Variants in HDAC6 observed in about 807,000 individuals in gnomAD.
The protein encoded by HDAC6 is histone deacetylase 6, also known as protein deacetylase HDAC6.
Under a neutral mutation model 88.9 loss-of-function variants are expected in HDAC6, and 5 were observed. The observed-to-expected ratio is 0.06, with a 90% CI of 0.03 to 0.12. The LOEUF is 0.12. Ranked by LOEUF, HDAC6 falls within the 10% of genes least tolerant of loss-of-function variation. The pLI is 1.00. For missense variants in HDAC6, 706 were observed against 1,014.4 expected (o/e 0.70, Z 4.13); for synonymous variants, 378 against 398.0 (o/e 0.95, Z 0.60).
At chrX:48,822,884 A>G (rs782554974) in intron 24 of HDAC6, 28 bp from the exon 25 acceptor site, 1 of 1,164,690 alleles carries the variant, frequency 8.6e-7, no homozygotes, top group Non-Finnish European at 1.2e-6. Flanking sequence ...CAGTACCCAC[A>G]CTCAAGGATC....
intron 19 of HDAC6, 51 bp downstream of exon 19, chrX:48,816,684 G>T: frequency 9.6e-7 from 1 of 1,045,546 alleles, no homozygotes; most frequent in South Asian, 2.1e-5. Context: ...AATGGAAAAA[G>T]AGAGCCATCT....
rs781964788 is a variant in HDAC6 at position 48,805,647 on chromosome X, A to G, written c.413A>G (p.Lys138Arg). 1 of 1,178,061 alleles carries G rather than the reference A, an allele frequency of 8.5e-7. No homozygotes were observed. The highest frequency in any genetic ancestry group is 1.1e-6 in the Non-Finnish European group (1 of 877,469). Residue 138 changes from lysine (K) to arginine (R), a missense_variant, in exon 6 of 29, where the codon AAG becomes AGG. Around this residue, in one of 9 missense-constraint regions of HDAC6, gnomAD observed 193 missense variants for 258.2 expected, o/e 0.75. Transcript: ENST00000334136. ...CVSFQARFAEKEELMLVHSLE... is the reference protein window; with the variant it reads ...CVSFQARFAEREELMLVHSLE... ...TCTCCCCAGGCCCGGTTTGCTGAAA[A>G]GGAAGAGCTGATGTTGGTTCACAGG... is the stretch of plus-strand genomic sequence containing the variant.
At position 48,822,937 on chromosome X, in the gene HDAC6, C is replaced by G. The variant is rs372636491; in HGVS notation, c.2538C>G (p.Ser846=). The change falls in exon 25 of 29, where the codon TCC becomes TCG. Residue 846 remains serine (S), a synonymous_variant. Transcript: ENST00000334136. ...AGGTAGAAGACAGAGAAGGACCCTC[C>G]AGTTCTAAGTTGGTCACCAAGAAGG... The part of the protein sequence containing the change: ...VMKVEDREGP[S]SSKLVTKKAP... The G allele has an allele frequency of 1.2e-4, 148 of 1,192,722 alleles. No individual in the cohort carries two copies. Among genetic ancestry groups the G allele is most frequent in the Non-Finnish European group, 8.7e-5 (77 of 885,981 alleles).
upstream of HDAC6, chrX:48,801,635 C>T (rs183986089): frequency 0.013 from 3,334 of 248,995 alleles, 100 homozygotes; most frequent in African/African-American, 0.093. Context: ...GTAGGCGCAG[C>T]ACAGCTGGCG....
chrX:48,802,163 G>C (rs2062736004), intron 1 of HDAC6, 21 bp downstream of exon 1: 1 of 879,837 alleles, frequency 1.1e-6, no homozygotes, highest in African/African-American at 2.1e-5. Flanking sequence ...GGCCCGATAA[G>C]GGGTGGAGTT....
chrX:48,808,719 T>C (rs2062856054), intron 10 of HDAC6, among the ~76,000 whole-genome samples: 1 of 112,413 alleles, frequency 8.9e-6, no homozygotes, highest in South Asian at 3.6e-4. Flanking sequence ...TTTCAGTAGA[T>C]AGTAAAAAAC....
intron 10 of HDAC6, among the ~76,000 whole-genome samples, 170 bp downstream of exon 10, chrX:48,808,496 T>G (rs782348468): frequency 1.8e-5 from 2 of 111,746 alleles, no homozygotes; most frequent in East Asian, 2.8e-4. Context: ...AATTTCACTC[T>G]GAGGCAGGGA....
chrX:48,818,538 G>A, intron 22 of HDAC6, 126 bp downstream of exon 22: 3 of 531,783 alleles, frequency 5.6e-6, no homozygotes, highest in East Asian at 7.5e-5. Flanking sequence ...GCGCATGGGT[G>A]TTTAATGAGG....
Position 48,823,250 on chromosome X carries a change from A to G in HDAC6, c.2851A>G (p.Thr951Ala). 1 of 1,201,757 alleles carries G rather than the reference A, an allele frequency of 8.3e-7. No individual in the cohort carries two copies. The highest frequency in any genetic ancestry group is 1.1e-6 in the Non-Finnish European group (1 of 890,521). Residue 951 changes from threonine (T) to alanine (A), a missense_variant, in exon 25 of 29, where the codon ACC (threonine) becomes GCC (alanine). Transcript: ENST00000334136. ...TGTCGGGGGAGCCACTCCGGACCAGACCACCTCAGAGGAGACTGTGGGAGG... is the reference window on the plus strand; with the variant it reads ...TGTCGGGGGAGCCACTCCGGACCAGGCCACCTCAGAGGAGACTGTGGGAGG... ...EAVGGATPDQ[T>A]TSEETVGGAI...
rs2063142756 is a variant in HDAC6 at position 48,824,962 on chromosome X, C to T, written c.*350C>T. The T allele has an allele frequency of 2.0e-6, 2 of 1,016,091 alleles. No individual in the cohort carries two copies. Among genetic ancestry groups the T allele is most frequent in the Admixed American group, 2.9e-5 (1 of 34,348 alleles). The allele number at this position is 1,016,091 out of a possible 1,213,427, so 83.7% of individuals were successfully genotyped here. ...GCAAGGTTGCATATGTAATAAAGTA[C>T]AAGCTGTTAAAAAACCTGGAGAAAG... On this transcript the variant is annotated 3_prime_UTR_variant, in exon 29 of 29. Coordinates refer to ENST00000334136, the MANE Select transcript of HDAC6 (RefSeq NM_006044.4).
rs998004276 is a variant in HDAC6 at position 48,823,491 on chromosome X, C to G, written c.3092C>G (p.Thr1031Ser). Residue 1031 changes from threonine to serine, a missense_variant, in exon 25 of 29, where the codon ACC (threonine) becomes AGC (serine). Thr to Ser is a moderately conservative substitution (Grantham distance 58). This residue lies in a region of HDAC6 where 112 missense variants were observed against 95.1 expected (regional missense o/e 1.18). Transcript: ENST00000334136. ...CTAGCCTCGAGCACAGACCACCAGA[C>G]CCCCCCAACCTCACCTGTGCAGGGA... ...TPLASSTDHQ[T>S]PPTSPVQGTT... 8.3e-7 allele frequency: 1 copy of G among 1,207,194 alleles called. No individual in the cohort carries two copies. The highest frequency in any genetic ancestry group is 2.2e-5 in the Admixed American group (1 of 45,654).
Position 48,815,484 on chromosome X carries a change from G to A in HDAC6, c.1250G>A (p.Cys417Tyr), listed in dbSNP as rs1557027257. 8.3e-7 allele frequency: 1 copy of A among 1,202,793 alleles called. No homozygotes were observed. The highest frequency in any genetic ancestry group is 1.8e-5 in the African/African-American group (1 of 56,960). ...CPMLESPGAP[C>Y]RSAQASVSCA... ...ATGCTGGAGTCACCTGGTGCCCCCT[G>A]CCGGAGGTGAGCCCCGGTGGAGGAG... is the stretch of plus-strand genomic sequence containing the variant. Residue 417 changes from cysteine (C) to tyrosine (Y), a missense_variant, in exon 15 of 29, where the codon TGC becomes TAC. Cys to Tyr is a radical substitution (Grantham distance 194). Coordinates refer to ENST00000334136, the MANE Select transcript of HDAC6 (RefSeq NM_006044.4).
At position 48,822,573 on chromosome X, in the gene HDAC6, C is replaced by T. The variant is rs373588692; in HGVS notation, c.2338-47C>T. ...CAGGACATGTTGTCCTCCAAATTCC[C>T]CAATGAACCCCCACCATACCTTTCC... On this transcript the variant is annotated intron_variant, in intron 23 of 28. Transcript: ENST00000334136. 16 of 1,026,573 alleles carry T rather than the reference C, an allele frequency of 1.6e-5. No homozygotes were observed. The African/African-American group carries it at 3.1e-4, about 20-fold the overall frequency. 84.6% of individuals were successfully genotyped at this position (1,026,573 alleles called of 1,213,427 possible). A position where few individuals can be genotyped will look rare whatever the true frequency, so the allele number is the denominator to read the frequency against.
At chrX:48,807,293 C>T (rs1164334985) in intron 8 of HDAC6, among the ~76,000 whole-genome samples, 3 of 112,063 alleles carry the variant, frequency 2.7e-5, no homozygotes, top group African/African-American at 9.7e-5. Flanking sequence ...GTTAATCAGT[C>T]CCCGACTAAT....
chrX:48,806,921 A>T, intron 8 of HDAC6: 3 of 315,141 alleles, frequency 9.5e-6, no homozygotes, highest in Non-Finnish European at 1.1e-5. Context: ...GTGTCCTCCC[A>T]CAAAGTCTTA....
chrX:48,806,744 A>G (rs1557024515), intron 8 of HDAC6, 38 bp downstream of exon 8: 2 of 874,192 alleles, frequency 2.3e-6, no homozygotes, highest in Non-Finnish European at 3.3e-6. Context: ...ACATTGTTTT[A>G]AAGTCCTTCC....
intron 28 of HDAC6, 103 bp from the exon 29 acceptor site, chrX:48,824,441 C>A: frequency 9.3e-7 from 1 of 1,071,199 alleles, no homozygotes; most frequent in South Asian, 2.0e-5. Context: ...GTGGGATAGT[C>A]CAGAAGACAG....
rs782685934 is a variant in HDAC6 at position 48,814,611 on chromosome X, G to A, written c.933+45G>A. 17 of 1,206,064 alleles carry A rather than the reference G, an allele frequency of 1.4e-5. No homozygotes were observed. In the Admixed American group the frequency reaches 2.2e-4, roughly 16 times the overall value. On this transcript the variant is annotated intron_variant, in intron 11 of 28. Transcript: ENST00000334136. ...TGCCCCCAAAGTGAGGCCCAGCCCC[G>A]CCCTTCTGTCAGCGGCTCGGGACAG...
At chrX:48,802,054 AG>A, upstream of HDAC6, 3 of 916,962 alleles carry the variant, frequency 3.3e-6, no homozygotes, top group Non-Finnish European at 2.7e-6. Context: ...GGGTCTGGGC[AG>A]GGGGTGGAGC....
Sources: gnomAD v4.1 joint callset for allele counts (sites outside exome capture counted in the v4.1 genomes callset) on GRCh38, gnomAD v4.1.1 for gene constraint, gnomAD v4.1.1 regional missense constraint, MANE v1.5 for transcripts, NCBI Gene and HGNC (gene_info 2026-07-23, HGNC 2026-07-21) for gene names.